ATP8A1: variants seen among roughly 807,000 people sequenced by gnomAD.
The protein encoded by ATP8A1 is phospholipid-transporting ATPase IA.
A neutral mutation model predicts 177.7 loss-of-function variants in ATP8A1; 90 were observed. The ratio of observed to expected loss-of-function variants is 0.51; its 90% CI spans 0.43 to 0.60. The LOEUF is 0.60. ATP8A1 is among the 20% of genes least tolerant of loss of function. The pLI is 0.00. For missense variants in ATP8A1, 1,072 were observed against 1,392.8 expected, an observed-to-expected ratio of 0.77 and a Z score of 3.67; for synonymous variants, 493 against 485.9, an observed-to-expected ratio of 1.01 and a Z score of -0.19.
At chr4:42,448,828 G>GTTTTTTTTTTTTTTTTTTTTTTTT (rs55946444) in intron 30 of ATP8A1, among the ~76,000 whole-genome samples, 1 of 84,206 alleles carries the variant, frequency 1.2e-5, no homozygotes. Flanking sequence ...TGTACTTTGC[G>GTTTTTTTTTTTTTTTTTTTTTTTT]TTTTTTTTTT....
At chr4:42,475,414 A>G (rs1720936733) in intron 25 of ATP8A1, among the ~76,000 whole-genome samples, 1 of 152,008 alleles carries the variant, frequency 6.6e-6, no homozygotes, top group Non-Finnish European at 1.5e-5. Context: ...GATTGAACAT[A>G]AGGATTTGGA....
chr4:42,599,670 C>G lies in ATP8A1; in HGVS notation c.450+808G>C, dbSNP rs75123016. 3.1e-3 allele frequency among the ~76,000 whole-genome samples: 469 copies of G among 152,274 alleles called. 5 individuals are homozygous for G. Among genetic ancestry groups the G allele is most frequent in the African/African-American group, 0.011 (447 of 41,564 alleles). On this transcript the variant is annotated intron_variant, in intron 6 of 36. Transcript: ENST00000381668. ...ATGGACTTCAACTAGCTGGGAAGTACTGGAGTGCAAATAAACTGTTGGTTA... is the reference window on the plus strand; with the variant it reads ...ATGGACTTCAACTAGCTGGGAAGTAGTGGAGTGCAAATAAACTGTTGGTTA...
At chr4:42,558,777 T>A (rs946155422) in intron 15 of ATP8A1, among the ~76,000 whole-genome samples, 32 of 152,016 alleles carry the variant, frequency 2.1e-4, no homozygotes, top group African/African-American at 4.8e-4. Flanking sequence ...AACATTTTTT[T>A]AAAAAAAACT....
chr4:42,642,937 TC>T (rs1170101307), intron 1 of ATP8A1, among the ~76,000 whole-genome samples: 3 of 152,228 alleles, frequency 2.0e-5, no homozygotes, highest in Non-Finnish European at 4.4e-5. Context: ...CCTGATCTTA[TC>T]CCAGTCACTC....
intron 24 of ATP8A1, among the ~76,000 whole-genome samples, chr4:42,489,044 C>G (rs115996320): frequency 0.015 from 2,325 of 152,128 alleles, 65 homozygotes; most frequent in African/African-American, 0.053. Flanking sequence ...AAGAGAGAGA[C>G]ACACACAGAG....
chr4:42,533,486 A>C (rs1727485329), intron 20 of ATP8A1, among the ~76,000 whole-genome samples: 1 of 152,138 alleles, frequency 6.6e-6, no homozygotes, highest in African/African-American at 2.4e-5. Context: ...TCCCCACAGC[A>C]GCCTCATCAA....
chr4:42,532,083 C>T (rs1727317232), intron 20 of ATP8A1, among the ~76,000 whole-genome samples: 1 of 152,078 alleles, frequency 6.6e-6, no homozygotes, highest in Admixed American at 6.5e-5. Flanking sequence ...GCCTGGGCAG[C>T]AGAGTGAGAC....
At chr4:42,650,377 T>A (rs1740963831) in intron 1 of ATP8A1, among the ~76,000 whole-genome samples, 1 of 152,168 alleles carries the variant, frequency 6.6e-6, no homozygotes, top group Non-Finnish European at 1.5e-5. Context: ...TCCATACTCA[T>A]CTCCATGTTT....
chr4:42,534,899 A>G (rs1285061272), intron 20 of ATP8A1, among the ~76,000 whole-genome samples: 2 of 152,202 alleles, frequency 1.3e-5, no homozygotes, highest in East Asian at 3.8e-4. Context: ...TTTTGTATCC[A>G]GCGAAACTAA....
intron 7 of ATP8A1, 99 bp downstream of exon 7, chr4:42,590,712 G>A: frequency 1.8e-6 from 2 of 1,090,716 alleles, no homozygotes; most frequent in Non-Finnish European, 2.7e-6. Flanking sequence ...GTGTTTTAAA[G>A]GAAGAGACAC....
At chr4:42,494,487 T>G (rs755424960) in intron 24 of ATP8A1, among the ~76,000 whole-genome samples, 2 of 152,172 alleles carry the variant, frequency 1.3e-5, no homozygotes, top group Non-Finnish European at 2.9e-5. Flanking sequence ...GTGACTGGGA[T>G]AATTTTAAGT....
At chr4:42,506,119 G>A (rs1350009656) in intron 23 of ATP8A1, among the ~76,000 whole-genome samples, 1 of 152,242 alleles carries the variant, frequency 6.6e-6, no homozygotes, top group Admixed American at 6.5e-5. Flanking sequence ...AGGTTTCAAT[G>A]AGACCATAAG....
intron 22 of ATP8A1, among the ~76,000 whole-genome samples, chr4:42,520,789 G>C (rs1317928517): frequency 2.0e-5 from 3 of 152,044 alleles, no homozygotes; most frequent in Non-Finnish European, 4.4e-5. Flanking sequence ...ATATATACAG[G>C]TATGATATAT....
intron 7 of ATP8A1, 128 bp from the exon 8 acceptor site, chr4:42,588,457 A>G (rs1000721041): frequency 2.3e-5 from 16 of 689,852 alleles, no homozygotes; most frequent in African/African-American, 3.7e-5. Context: ...TAGCTTCTTG[A>G]TGATTTTCAT....
At chr4:42,654,495 C>G (rs540231087) in intron 1 of ATP8A1, among the ~76,000 whole-genome samples, 238 of 152,238 alleles carry the variant, frequency 1.6e-3, no homozygotes, top group Non-Finnish European at 3.0e-3. Flanking sequence ...GGTCTCGCCA[C>G]CCTCTCTCAG....
At chr4:42,457,542 C>T (rs952666264) in intron 27 of ATP8A1, among the ~76,000 whole-genome samples, 5 of 152,292 alleles carry the variant, frequency 3.3e-5, no homozygotes, top group Non-Finnish European at 5.9e-5. Flanking sequence ...AAAGCCGAAG[C>T]GCTCTGCATA....
chr4:42,448,190 T>G (rs1041757241), intron 30 of ATP8A1, among the ~76,000 whole-genome samples: 3 of 152,138 alleles, frequency 2.0e-5, no homozygotes, highest in Non-Finnish European at 4.4e-5. Context: ...ATGGTATTGT[T>G]TGGGTTTTCA....
intron 30 of ATP8A1, among the ~76,000 whole-genome samples, 175 bp from the exon 31 acceptor site, chr4:42,446,819 T>C (rs1186429331): frequency 6.7e-6 from 1 of 150,220 alleles, no homozygotes; most frequent in Non-Finnish European, 1.5e-5. Context: ...ACAAAGCTGC[T>C]GTAAAGATAG....
At chr4:42,437,719 G>C (rs1716154556) in intron 33 of ATP8A1, among the ~76,000 whole-genome samples, 1 of 152,110 alleles carries the variant, frequency 6.6e-6, no homozygotes, top group Non-Finnish European at 1.5e-5. Flanking sequence ...TCGAATTACT[G>C]TAGTGGAAAC....
Sources: gnomAD v4.1 joint callset for allele counts (sites outside exome capture counted in the v4.1 genomes callset) on GRCh38, gnomAD v4.1.1 for gene constraint, MANE v1.5 for transcripts, NCBI Gene and HGNC (gene_info 2026-07-23, HGNC 2026-07-21) for gene names.